Variants in NGEF observed in about 807,000 individuals in gnomAD.
NGEF encodes the protein ephexin-1.
Under a neutral mutation model 80.9 loss-of-function variants are expected in NGEF, and 31 were observed. The ratio of observed to expected loss-of-function variants is 0.38; its 90% CI spans 0.29 to 0.52. NGEF has a LOEUF of 0.52. NGEF is among the 20% of genes least tolerant of loss of function. The pLI is 0.84. For synonymous variants in NGEF, 371 were observed against 370.2 expected (o/e 1.00, Z -0.03); for missense variants, 709 against 926.2 (o/e 0.77, Z 3.04).
At chr2:232,946,688 T>G (rs1693567418) in intron 3 of NGEF, among the ~76,000 whole-genome samples, 1 of 152,174 alleles carries the variant, frequency 6.6e-6, no homozygotes, top group African/African-American at 2.4e-5. Context: ...AATGGCTGAT[T>G]CCATGTCTGA....
At chr2:232,907,405 T>C (rs1168871293) in intron 5 of NGEF, among the ~76,000 whole-genome samples, 1 of 152,146 alleles carries the variant, frequency 6.6e-6, no homozygotes, top group East Asian at 1.9e-4. Flanking sequence ...CTTGCTTTGA[T>C]AAATAGACTG....
intron 1 of NGEF, among the ~76,000 whole-genome samples, chr2:232,990,600 C>T (rs1694631620): frequency 6.6e-6 from 1 of 151,954 alleles, no homozygotes; most frequent in South Asian, 2.1e-4. Flanking sequence ...CTTCTTCTCC[C>T]AAATATCATT....
At chr2:232,995,624 T>TATAC (rs1694822002) in intron 1 of NGEF, among the ~76,000 whole-genome samples, 2 of 25,906 alleles carry the variant, frequency 7.7e-5, no homozygotes, top group Non-Finnish European at 8.3e-5. Flanking sequence ...TATACGTATG[T>TATAC]ATACTGTATA....
At chr2:232,924,350 G>T (rs1047637815) in intron 4 of NGEF, among the ~76,000 whole-genome samples, 2 of 152,180 alleles carry the variant, frequency 1.3e-5, no homozygotes, top group Admixed American at 1.3e-4. Flanking sequence ...AGCAGAGATA[G>T]CCAGCCCTCA....
chr2:232,920,152 TG>T, intron 5 of NGEF, 131 bp downstream of exon 5: 1 of 827,718 alleles, frequency 1.2e-6, no homozygotes, highest in Non-Finnish European at 1.9e-6. Flanking sequence ...ATGTTCTAGA[TG>T]GACAACCCTG....
chr2:233,003,264 G>C (rs1187404397), intron 1 of NGEF, among the ~76,000 whole-genome samples: 1 of 152,200 alleles, frequency 6.6e-6, no homozygotes, highest in Non-Finnish European at 1.5e-5. Context: ...GCTGCCCCAG[G>C]TGGGGCTGCC....
chr2:232,927,915 C>A (rs1693114466), intron 3 of NGEF: 1 of 1,327,058 alleles, frequency 7.5e-7, no homozygotes, highest in Non-Finnish European at 9.6e-7. Context: ...TGTCCCGCCG[C>A]CGAGTCGCGC....
rs67252740 is a variant in NGEF, at chr2:232,879,420, G to GCC, written c.*67_*68dup. 8.4e-3 allele frequency: 10,262 copies of GCC among 1,227,638 alleles called. 369 individuals carry two copies. The highest frequency in any genetic ancestry group is 0.028 in the African/African-American group (1,719 of 61,728). The allele number at this position is 1,227,638 out of a possible 1,614,324, so 76.0% of individuals were successfully genotyped here. ...GAGGTGCTGGCCTGTGCTTCCCAGAGCCCCCCCCCCCCCACCTTCTGTCGG... is the reference window on the plus strand; with the variant it reads ...GAGGTGCTGGCCTGTGCTTCCCAGAGCCCCCCCCCCCCCCCACCTTCTGTCGG... On this transcript the variant is annotated 3_prime_UTR_variant, in exon 15 of 15. Coordinates refer to ENST00000264051, the MANE Select transcript of NGEF (RefSeq NM_019850.3).
At chr2:232,999,026 G>A (rs766367804) in intron 1 of NGEF, among the ~76,000 whole-genome samples, 5 of 152,128 alleles carry the variant, frequency 3.3e-5, no homozygotes, top group Non-Finnish European at 4.4e-5. Context: ...TTGGGACCCC[G>A]GAACAGCAGG....
At chr2:233,008,089 C>G (rs922940648) in intron 1 of NGEF, among the ~76,000 whole-genome samples, 4 of 152,112 alleles carry the variant, frequency 2.6e-5, no homozygotes, top group African/African-American at 9.7e-5. Context: ...TTGGGAGCAT[C>G]CTGAAAAATA....
chr2:232,890,164 G>C (rs975282956), intron 8 of NGEF, among the ~76,000 whole-genome samples: 1 of 134,038 alleles, frequency 7.5e-6, no homozygotes, highest in African/African-American at 2.8e-5. Context: ...TCTCAGTCCT[G>C]ATTCTGGGTC....
intron 5 of NGEF, among the ~76,000 whole-genome samples, chr2:232,914,207 A>G (rs970662309): frequency 2.0e-5 from 3 of 152,228 alleles, no homozygotes; most frequent in African/African-American, 7.2e-5. Flanking sequence ...TACAAAGCCT[A>G]ACACATTTAT....
intron 1 of NGEF, among the ~76,000 whole-genome samples, chr2:232,990,963 G>GA (rs1694638904): frequency 6.6e-6 from 1 of 152,040 alleles, no homozygotes; most frequent in Admixed American, 6.6e-5. Flanking sequence ...CCATACGAAT[G>GA]AAACAAGGGA....
chr2:232,978,816 G>C (rs886786203), intron 1 of NGEF, among the ~76,000 whole-genome samples: 1 of 152,132 alleles, frequency 6.6e-6, no homozygotes, highest in South Asian at 2.1e-4. Context: ...CTGCAGCCTC[G>C]ACCTCATGGG....
chr2:232,900,060 T>A (rs1692258474), intron 5 of NGEF, among the ~76,000 whole-genome samples: 2 of 134,810 alleles, frequency 1.5e-5, no homozygotes, highest in African/African-American at 2.9e-5. Context: ...GCTCTCACAG[T>A]CACTCATATA....
intron 4 of NGEF, among the ~76,000 whole-genome samples, chr2:232,923,938 A>G (rs143922781): frequency 3.3e-5 from 5 of 152,150 alleles, no homozygotes; most frequent in Non-Finnish European, 7.4e-5. Flanking sequence ...GCCTTCCCTT[A>G]TAAAAGAGGT....
chr2:232,986,223 G>A (rs552653087), intron 1 of NGEF, among the ~76,000 whole-genome samples: 2 of 152,322 alleles, frequency 1.3e-5, no homozygotes, highest in African/African-American at 2.4e-5. Flanking sequence ...GTTGGTGAAC[G>A]AAGATGTGGG....
chr2:232,940,022 T>C (rs1218923101), intron 3 of NGEF, among the ~76,000 whole-genome samples: 2 of 151,658 alleles, frequency 1.3e-5, no homozygotes, highest in East Asian at 3.9e-4. Flanking sequence ...ATTTGAGGTC[T>C]CACGAGAAGA....
chr2:232,886,447 CTGTGCACAGGTGTG>C (rs1030017215), intron 9 of NGEF, among the ~76,000 whole-genome samples: 10 of 152,144 alleles, frequency 6.6e-5, no homozygotes, highest in African/African-American at 1.2e-4. Context: ...TGCGAGTGTG[CTGTGCACAGGTGTG>C]TGTGCACAGG....
Sources: allele counts gnomAD v4.1 joint callset (sites outside exome capture counted in the v4.1 genomes callset), GRCh38; gene constraint gnomAD v4.1.1; transcripts MANE v1.5; gene names NCBI Gene and HGNC (gene_info 2026-07-23, HGNC 2026-07-21).